SLC35F1: variants seen among roughly 807,000 people sequenced by gnomAD.
The protein encoded by SLC35F1 is solute carrier family 35 member F1.
In SLC35F1, 14 loss-of-function variants were observed where a neutral mutation model predicts 48.7. That is an observed-to-expected ratio of 0.29 (90% CI 0.19 to 0.45). SLC35F1 has a LOEUF of 0.45. SLC35F1 is among the 20% of genes least tolerant of loss of function. SLC35F1 has a pLI of 1.00. For synonymous variants in SLC35F1, 190 were observed against 202.2 expected (o/e 0.94, Z 0.51); for missense variants, 404 against 500.0 (o/e 0.81, Z 1.83).
intron 1 of SLC35F1, among the ~76,000 whole-genome samples, chr6:117,952,058 A>G (rs1211856776): frequency 6.6e-6 from 1 of 152,244 alleles, no homozygotes; most frequent in African/African-American, 2.4e-5. Context: ...CTGCTGCAGC[A>G]TTAATGAATG....
At chr6:117,928,843 C>T (rs571088671) in intron 1 of SLC35F1, among the ~76,000 whole-genome samples, 55 of 152,238 alleles carry the variant, frequency 3.6e-4, no homozygotes, top group African/African-American at 1.3e-3. Context: ...GGTTGGAGAA[C>T]AGCTAGGTAG....
At chr6:118,108,442 C>A (rs915574259) in intron 1 of SLC35F1, among the ~76,000 whole-genome samples, 1 of 147,044 alleles carries the variant, frequency 6.8e-6, no homozygotes, top group Non-Finnish European at 1.5e-5. Flanking sequence ...GGCCCTGGAA[C>A]AATCAGCCTG....
At chr6:118,127,857 A>T (rs1366462997) in intron 1 of SLC35F1, among the ~76,000 whole-genome samples, 2 of 151,096 alleles carry the variant, frequency 1.3e-5, no homozygotes, top group African/African-American at 4.8e-5. Flanking sequence ...AGAAACTACC[A>T]TCAGAGTGAA....
intron 2 of SLC35F1, among the ~76,000 whole-genome samples, chr6:118,225,053 A>G (rs561299550): frequency 1.2e-4 from 18 of 152,390 alleles, no homozygotes; most frequent in Admixed American, 2.0e-4. Flanking sequence ...AGGATATTCC[A>G]TGCGCATGGG....
chr6:118,214,327 G>T (rs535402492), intron 2 of SLC35F1, among the ~76,000 whole-genome samples: 2 of 152,166 alleles, frequency 1.3e-5, no homozygotes, highest in African/African-American at 4.8e-5. Context: ...TGTTACAGTT[G>T]TCATGAAATT....
intron 1 of SLC35F1, among the ~76,000 whole-genome samples, chr6:117,956,088 G>A (rs546885143): frequency 6.6e-6 from 1 of 152,288 alleles, no homozygotes; most frequent in East Asian, 1.9e-4. Flanking sequence ...TTTATAGGAA[G>A]ATTAAGAACC....
intron 6 of SLC35F1, among the ~76,000 whole-genome samples, chr6:118,281,206 A>C (rs201166888): frequency 0.015 from 1,676 of 111,288 alleles, 14 homozygotes; most frequent in South Asian, 0.03. Flanking sequence ...CTCTCTCTCT[A>C]TATATATATA....
chr6:117,937,905 G>A (rs2114817222), intron 1 of SLC35F1, among the ~76,000 whole-genome samples: 1 of 152,184 alleles, frequency 6.6e-6, no homozygotes, highest in Non-Finnish European at 1.5e-5. Context: ...CTGATTAGAA[G>A]AGAAGAGTTA....
chr6:117,996,858 G>C (rs2114862662), intron 1 of SLC35F1, among the ~76,000 whole-genome samples: 1 of 152,324 alleles, frequency 6.6e-6, no homozygotes, highest in South Asian at 2.1e-4. Context: ...ACTCTAAAAA[G>C]CAGAGTGCCT....
intron 1 of SLC35F1, among the ~76,000 whole-genome samples, chr6:118,142,212 T>C (rs77536358): frequency 0.013 from 1,989 of 152,252 alleles, 34 homozygotes; most frequent in African/African-American, 0.044. Flanking sequence ...CCAGCTTGAG[T>C]TGTCTTTTCT....
At chr6:117,999,308 A>G (rs1341098330) in intron 1 of SLC35F1, 7 of 1,595,926 alleles carry the variant, frequency 4.4e-6, no homozygotes, top group Admixed American at 1.7e-5. Flanking sequence ...TCTTGCCCGT[A>G]TTGCCAAGGG....
rs749472848 is a variant in SLC35F1 at position 117,907,853 on chromosome 6, T to C, written c.127T>C (p.Ser43Pro). Reference protein sequence around the residue: ...GSGGGGSLSASSRAGVRQRIR... With the variant: ...GSGGGGSLSAPSRAGVRQRIR... ...CGGCGGCGGCGGGAGCCTGTCCGCC[T>C]CCTCCCGGGCTGGCGTGCGCCAGAG... is the stretch of plus-strand genomic sequence containing the variant. Residue 43 changes from serine to proline, a missense_variant, in exon 1 of 8, where the codon TCC becomes CCC. This residue lies in a region of SLC35F1 where 98 missense variants were observed against 81.0 expected (regional missense o/e 1.21). Transcript: ENST00000360388. 6.5e-5 allele frequency: 99 copies of C among 1,532,744 alleles called. No individual in the cohort carries two copies. The highest frequency in any genetic ancestry group is 8.3e-5 in the Non-Finnish European group (96 of 1,150,040). The allele number at this position is 1,532,744 out of a possible 1,614,324, so 94.9% of individuals were successfully genotyped here.
intron 2 of SLC35F1, among the ~76,000 whole-genome samples, chr6:118,189,598 C>A (rs895333557): frequency 3.3e-5 from 5 of 152,090 alleles, no homozygotes; most frequent in African/African-American, 1.2e-4. Flanking sequence ...GTATACTTTG[C>A]TATGCAGAAG....
intron 2 of SLC35F1, among the ~76,000 whole-genome samples, chr6:118,189,877 C>A (rs1160883965): frequency 1.3e-5 from 2 of 152,114 alleles, no homozygotes; most frequent in African/African-American, 4.8e-5. Flanking sequence ...TGGCATTTGC[C>A]TTATTTGAAC....
chr6:117,947,373 G>T (rs1182147331), intron 1 of SLC35F1, among the ~76,000 whole-genome samples: 3 of 152,158 alleles, frequency 2.0e-5, no homozygotes, highest in African/African-American at 7.2e-5. Flanking sequence ...GGTAATTGGA[G>T]AAGGGCCCCG....
At chr6:118,057,407 C>T (rs866995940) in intron 1 of SLC35F1, among the ~76,000 whole-genome samples, 2 of 152,130 alleles carry the variant, frequency 1.3e-5, no homozygotes, top group South Asian at 4.2e-4. Flanking sequence ...CCTTGATGGT[C>T]CCAAGCAGGA....
At chr6:118,122,146 T>C (rs1773560297) in intron 1 of SLC35F1, among the ~76,000 whole-genome samples, 1 of 152,158 alleles carries the variant, frequency 6.6e-6, no homozygotes, top group South Asian at 2.1e-4. Flanking sequence ...TGCTAACTTA[T>C]TATAATTGAA....
intron 1 of SLC35F1, among the ~76,000 whole-genome samples, chr6:117,929,461 G>GTGTT (rs1776072504): frequency 6.6e-6 from 1 of 150,678 alleles, no homozygotes; most frequent in South Asian, 2.1e-4. Context: ...TTATGTGTGT[G>GTGTT]TGTGTGTGTG....
At chr6:118,304,598 G>A (rs1457559143) in intron 7 of SLC35F1, among the ~76,000 whole-genome samples, 2 of 152,080 alleles carry the variant, frequency 1.3e-5, no homozygotes, top group African/African-American at 2.4e-5. Context: ...TTTCAGAAAG[G>A]CATCTGAGGA....
Sources: gnomAD v4.1 joint callset for allele counts (sites outside exome capture counted in the v4.1 genomes callset) on GRCh38, gnomAD v4.1.1 for gene constraint, gnomAD v4.1.1 regional missense constraint, MANE v1.5 for transcripts, NCBI Gene and HGNC (gene_info 2026-07-23, HGNC 2026-07-21) for gene names.